ARHGAP28: variants seen among roughly 807,000 people sequenced by gnomAD.
ARHGAP28 encodes the protein rho GTPase-activating protein 28.
ARHGAP28 carries 56 observed loss-of-function variants against 90.7 expected under a neutral mutation model. The ratio of observed to expected loss-of-function variants is 0.62; its 90% CI spans 0.50 to 0.77. The LOEUF (loss-of-function observed/expected upper bound fraction) is 0.77. Among genes scored for constraint, ARHGAP28 ranks in the 30% least tolerant of loss-of-function variants. ARHGAP28 has a pLI of 0.00. For synonymous variants in ARHGAP28, 308 were observed against 323.3 expected (o/e 0.95, Z 0.51); for missense variants, 869 against 900.9 (o/e 0.96, Z 0.45).
Position 6,846,034 on chromosome 18 carries a change from T to C in ARHGAP28, c.544-5000T>C, listed in dbSNP as rs145919956. Among the ~76,000 whole-genome samples the C allele has an allele frequency of 6.6e-5, 10 of 152,272 alleles. No homozygotes were observed. The East Asian group carries it at 1.9e-3, about 29-fold the overall frequency. The stretch of plus-strand genomic sequence containing the variant: ...TGAATCCCATGCATGATCTATACCA[T>C]GTGTCATGAAGCTTGGGTCCACCTT... On this transcript the variant is annotated intron_variant, in intron 3 of 17. Coordinates refer to ENST00000383472, the MANE Select transcript of ARHGAP28 (RefSeq NM_001366230.1).
chr18:6,845,985 G>A (rs1354640527), intron 3 of ARHGAP28, among the ~76,000 whole-genome samples: 2 of 152,156 alleles, frequency 1.3e-5, no homozygotes, highest in African/African-American at 4.8e-5. Flanking sequence ...ATCTGTCTCA[G>A]TAGAAGGCTT....
At position 6,839,587 on chromosome 18, in the gene ARHGAP28, G is replaced by GCA. The variant is rs1600232451; in HGVS notation, c.543+2174_543+2175insAC. On this transcript the variant is annotated intron_variant, in intron 3 of 17. Transcript: ENST00000383472. ...GCTGGGATTACAGGCGTGAGCCACT[G>GCA]CGCCCGGCCATAATTTTTTTAGATT... Among the ~76,000 whole-genome samples the GCA allele has an allele frequency of 2.0e-5, 3 of 152,218 alleles. No homozygotes were observed. The East Asian group carries it at 5.8e-4, about 29-fold the overall frequency.
intron 1 of ARHGAP28, among the ~76,000 whole-genome samples, chr18:6,737,711 A>C (rs8092101): frequency 0.21 from 32,215 of 152,104 alleles, 3,644 homozygotes; most frequent in South Asian, 0.37. Flanking sequence ...TTCATACATT[A>C]TTTCTTTGTG....
chr18:6,905,300 A>T (rs1188560465), intron 16 of ARHGAP28, among the ~76,000 whole-genome samples: 1 of 152,132 alleles, frequency 6.6e-6, no homozygotes, highest in Non-Finnish European at 1.5e-5. Context: ...CCATATCAAC[A>T]GGAGAAACCA....
intron 16 of ARHGAP28, among the ~76,000 whole-genome samples, chr18:6,899,525 C>G (rs894117681): frequency 6.6e-6 from 1 of 152,012 alleles, no homozygotes. Flanking sequence ...CCTACTCCAG[C>G]CAAACACCAA....
intron 3 of ARHGAP28, among the ~76,000 whole-genome samples, chr18:6,844,317 G>C (rs1158805259): frequency 6.6e-6 from 1 of 152,170 alleles, no homozygotes; most frequent in Non-Finnish European, 1.5e-5. Flanking sequence ...CATGAATCCA[G>C]TTTCTTTTTG....
intron 1 of ARHGAP28, among the ~76,000 whole-genome samples, chr18:6,808,641 G>A (rs1273458808): frequency 6.6e-6 from 1 of 152,148 alleles, no homozygotes; most frequent in African/African-American, 2.4e-5. Flanking sequence ...AGCCTTCTTA[G>A]TAAGGCATGA....
chr18:6,871,046 T>G (rs781052932), intron 7 of ARHGAP28, among the ~76,000 whole-genome samples: 1 of 152,198 alleles, frequency 6.6e-6, no homozygotes, highest in Non-Finnish European at 1.5e-5. Flanking sequence ...ACGATCTGCC[T>G]GCCTCGGCCT....
At chr18:6,903,002 A>G (rs1417730726) in intron 16 of ARHGAP28, among the ~76,000 whole-genome samples, 1 of 152,228 alleles carries the variant, frequency 6.6e-6, no homozygotes, top group East Asian at 1.9e-4. Context: ...AGAAATTCTG[A>G]CATATGCTAC....
chr18:6,882,902 T>A (rs986603012), intron 11 of ARHGAP28, among the ~76,000 whole-genome samples: 4 of 152,196 alleles, frequency 2.6e-5, no homozygotes, highest in African/African-American at 9.6e-5. Flanking sequence ...TGTGTTGTAA[T>A]TGACAAGGAA....
intron 1 of ARHGAP28, among the ~76,000 whole-genome samples, chr18:6,752,413 G>A (rs914151427): frequency 1.3e-5 from 2 of 152,174 alleles, no homozygotes; most frequent in South Asian, 4.1e-4. Flanking sequence ...TGTTCTGATT[G>A]CATCACTGTC....
intron 6 of ARHGAP28, among the ~76,000 whole-genome samples, chr18:6,869,802 T>C (rs952111777): frequency 3.9e-5 from 6 of 152,216 alleles, no homozygotes; most frequent in Non-Finnish European, 5.9e-5. Flanking sequence ...AAAATAATTA[T>C]TCACTTTGCA....
At chr18:6,885,434 C>T (rs184595863) in intron 11 of ARHGAP28, among the ~76,000 whole-genome samples, 82 of 152,268 alleles carry the variant, frequency 5.4e-4, no homozygotes, top group Admixed American at 9.2e-4. Flanking sequence ...TCAGAGAACA[C>T]AGAGCCTTTT....
At chr18:6,731,990 C>T (rs2055886487) in intron 1 of ARHGAP28, among the ~76,000 whole-genome samples, 1 of 151,996 alleles carries the variant, frequency 6.6e-6, no homozygotes, top group Non-Finnish European at 1.5e-5. Flanking sequence ...AAAGCGTGGA[C>T]TTTTGTATCT....
At chr18:6,799,222 C>T (rs575876264) in intron 1 of ARHGAP28, among the ~76,000 whole-genome samples, 1 of 152,010 alleles carries the variant, frequency 6.6e-6, no homozygotes, top group Non-Finnish European at 1.5e-5. Flanking sequence ...GGTTTCTGCT[C>T]AAGGAAATAA....
At chr18:6,830,892 A>G (rs2056709923) in intron 2 of ARHGAP28, among the ~76,000 whole-genome samples, 1 of 152,270 alleles carries the variant, frequency 6.6e-6, no homozygotes, top group South Asian at 2.1e-4. Context: ...CTTACAATGA[A>G]TAATGCTGTT....
chr18:6,730,800 C>T (rs2055874595), intron 1 of ARHGAP28, among the ~76,000 whole-genome samples: 1 of 152,212 alleles, frequency 6.6e-6, no homozygotes, highest in African/African-American at 2.4e-5. Context: ...ATCTGATCCA[C>T]TGACGAGTGC....
At chr18:6,801,855 T>C (rs1442271073) in intron 1 of ARHGAP28, among the ~76,000 whole-genome samples, 1 of 152,166 alleles carries the variant, frequency 6.6e-6, no homozygotes, top group African/African-American at 2.4e-5. Context: ...TATCAAACAC[T>C]AGATCTTATT....
intron 1 of ARHGAP28, among the ~76,000 whole-genome samples, chr18:6,819,850 T>C (rs575025907): frequency 1.4e-3 from 210 of 152,270 alleles, no homozygotes; most frequent in Middle Eastern, 3.4e-3. Context: ...CTAATGTAAA[T>C]TGCAACCCAG....
Sources: gnomAD v4.1 joint callset for allele counts (sites outside exome capture counted in the v4.1 genomes callset) on GRCh38, gnomAD v4.1.1 for gene constraint, MANE v1.5 for transcripts, NCBI Gene and HGNC (gene_info 2026-07-23, HGNC 2026-07-21) for gene names.